PMCH: variants seen among roughly 807,000 people sequenced by gnomAD.
The protein encoded by PMCH is pro-melanin concentrating hormone.
In PMCH, 8 loss-of-function variants were observed where a neutral mutation model predicts 15.9. The observed-to-expected ratio is 0.50, with a 90% CI of 0.29 to 0.91. The LOEUF (loss-of-function observed/expected upper bound fraction) is 0.91. Among genes scored for constraint, PMCH ranks in the 40% least tolerant of loss-of-function variants. The pLI, the probability that PMCH is intolerant of heterozygous loss-of-function variation, is 0.07. For missense variants in PMCH, 169 were observed against 185.7 expected, an observed-to-expected ratio of 0.91 and a Z score of 0.52; for synonymous variants, 73 against 63.8, an observed-to-expected ratio of 1.14 and a Z score of -0.69.
rs776448198 is a variant in PMCH, at chr12:102,197,649, G to T, written c.122C>A (p.Thr41Lys). ...CTGAAAGCCTTTCCCCAACCTGAATGTATTAAATACCATGTCATCATCTAA... is the reference window on the plus strand; with the variant it reads ...CTGAAAGCCTTTCCCCAACCTGAATTTATTAAATACCATGTCATCATCTAA... ...RNLDDDMVFN[T>K]FRLGKGFQKE... The change falls in exon 1 of 3, where the codon ACA becomes AAA. Residue 41 changes from threonine (T) to lysine (K), a missense_variant. Coordinates refer to ENST00000329406, the MANE Select transcript of PMCH (RefSeq NM_002674.4). 2.5e-6 allele frequency: 4 copies of T among 1,612,046 alleles called. No homozygotes were observed. The highest frequency in any genetic ancestry group is 3.3e-4 in the Middle Eastern group (2 of 6,056).
rs1891378201 is a variant in PMCH at position 102,197,099 on chromosome 12, G to T, written c.322C>A (p.Leu108Ile). 6.2e-7 allele frequency: 1 copy of T among 1,611,948 alleles called. No homozygotes were observed. The highest frequency in any genetic ancestry group is 8.5e-7 in the Non-Finnish European group (1 of 1,178,584). ...GCTGGGAAAGCTACAGATCCTTTTAGTGCAAGATAAGGTTTTATAGCCAGA... is the reference window on the plus strand; with the variant it reads ...GCTGGGAAAGCTACAGATCCTTTTATTGCAAGATAAGGTTTTATAGCCAGA... ...LNLAIKPYLA[L>I]KGSVAFPAEN... The change falls in exon 2 of 3, where the codon CTA becomes ATA. Residue 108 changes from leucine to isoleucine, a missense_variant. Transcript: ENST00000329406.
chr12:102,197,222 C>T, intron 1 of PMCH, 51 bp from the exon 2 acceptor site: 2 of 1,333,082 alleles, frequency 1.5e-6, no homozygotes. Context: ...CGGAGTGGAA[C>T]TATAATACAA....
intron 1 of PMCH, 150 bp from the exon 2 acceptor site, chr12:102,197,321 A>C (rs1022588215): frequency 1.3e-5 from 11 of 837,550 alleles, no homozygotes; most frequent in Non-Finnish European, 2.0e-5. Context: ...TTATAGGAGA[A>C]AAAACACTTT....
At chr12:102,196,733 AG>A in intron 2 of PMCH, 32 bp from the exon 3 acceptor site, 3 of 1,535,820 alleles carry the variant, frequency 2.0e-6, no homozygotes, top group Non-Finnish European at 2.7e-6. Flanking sequence ...AATTGTTTAA[AG>A]GACTATAATT....
At chr12:102,197,231 A>AATTGTATTATAGTTCCACTCCGAATACG in intron 1 of PMCH, 60 bp from the exon 2 acceptor site, 1 of 1,271,272 alleles carries the variant, frequency 7.9e-7, no homozygotes, top group Non-Finnish European at 1.1e-6. Flanking sequence ...ACTATAATAC[A>AATTGTATTATAGTTCCACTCCGAATACG]ATTGTATAAT....
chr12:102,197,319 G>GA (rs1205295289), intron 1 of PMCH, 148 bp from the exon 2 acceptor site: 1 of 835,230 alleles, frequency 1.2e-6, no homozygotes, highest in Non-Finnish European at 1.8e-6. Context: ...ATTTATAGGA[G>GA]AAAAAACACT....
chr12:102,197,342 G>A (rs1302534254), intron 1 of PMCH, 171 bp from the exon 2 acceptor site: 10 of 800,440 alleles, frequency 1.2e-5, no homozygotes, highest in East Asian at 2.6e-5. Context: ...CAGATAAGAG[G>A]TGTTTGCTGG....
chr12:102,197,753 G>C lies in PMCH; in HGVS notation c.18C>G (p.Leu6=), dbSNP rs758924271. Residue 6 remains leucine, a synonymous_variant, in exon 1 of 3, where the codon CTC becomes CTG. Transcript: ENST00000329406. MAKMN[L]SSYILILTFS... is the part of the protein sequence containing the mutation. ...AAGTTAGTATTAATATATAGGAAGA[G>C]AGATTCATTTTTGCCATTCTTAGTT... 2 of 1,583,900 alleles carry C rather than the reference G, an allele frequency of 1.3e-6. No homozygotes were observed. The highest frequency in any genetic ancestry group is 1.7e-6 in the Non-Finnish European group (2 of 1,164,344).
chr12:102,197,450 T>C lies in PMCH; in HGVS notation c.249+72A>G, dbSNP rs1256359475. The C allele has an allele frequency of 1.5e-5, 21 of 1,361,208 alleles. 1 individual carries two copies. Among genetic ancestry groups the C allele is most frequent in the Middle Eastern group, 2.6e-4 (1 of 3,916 alleles). The allele number at this position is 1,361,208 out of a possible 1,614,324, so 84.3% of individuals were successfully genotyped here. A position where few individuals can be genotyped will look rare whatever the true frequency, so the allele number is the denominator to read the frequency against. On this transcript the variant is annotated intron_variant, in intron 1 of 2. Coordinates refer to ENST00000329406, the MANE Select transcript of PMCH (RefSeq NM_002674.4). ...CTTCTGTTTATAAAAGTATCAGTTT[T>C]ACTTTTCAGAGGATTTGTAAGAATC...
At position 102,196,642 on chromosome 12, in the gene PMCH, C is replaced by G; in HGVS notation, c.*10G>C. 6.3e-7 allele frequency: 1 copy of G among 1,599,094 alleles called. No individual in the cohort carries two copies. On this transcript the variant is annotated 3_prime_UTR_variant, in exon 3 of 3. Coordinates refer to ENST00000329406, the MANE Select transcript of PMCH (RefSeq NM_002674.4). ...TTTTCTTCTGAAAAGATGATGTGGA[C>G]CAACAGGTATCAGACTTGCCAACAA...
In PMCH at chr12:102,197,640, A is replaced by G; in HGVS notation, c.131T>C (p.Leu44Ser). 1.9e-6 allele frequency: 3 copies of G among 1,612,304 alleles called. No individual in the cohort carries two copies. The highest frequency in any genetic ancestry group is 2.2e-5 in the South Asian group (2 of 91,008). ...DDDMVFNTFR[L>S]GKGFQKEDTA... is the part of the protein sequence containing the mutation. ...GTCTTCCTTCTGAAAGCCTTTCCCC[A>G]ACCTGAATGTATTAAATACCATGTC... The change falls in exon 1 of 3, where the codon TTG becomes TCG. Residue 44 changes from leucine to serine, a missense_variant. Transcript: ENST00000329406.
chr12:102,196,859 A>G (rs980009165), intron 2 of PMCH, 114 bp downstream of exon 2: 5 of 1,090,752 alleles, frequency 4.6e-6, no homozygotes, highest in Non-Finnish European at 6.8e-6. Flanking sequence ...GGCAGGTGTA[A>G]TTGAGCCATG....
At chr12:102,197,239 A>G (rs957462748) in intron 1 of PMCH, 68 bp from the exon 2 acceptor site, 1 of 1,213,800 alleles carries the variant, frequency 8.2e-7, no homozygotes, top group Non-Finnish European at 1.2e-6. Context: ...ACAATTGTAT[A>G]ATATTCTTGT....
Position 102,197,022 on chromosome 12 carries a change from C to T in PMCH, c.399G>A (p.Gly133=). ...GAAATTTAGCTGAGTTTTCTTCATC[C>T]CCAATTTCTCTCTTTTCTTGTGTTG... ...TESTQEKREI[G]DEENSAKFPI... is the part of the protein sequence containing the mutation. Residue 133 remains glycine (G), a synonymous_variant, in exon 2 of 3, where the codon GGG becomes GGA. Coordinates refer to ENST00000329406, the MANE Select transcript of PMCH (RefSeq NM_002674.4). 1.2e-6 allele frequency: 2 copies of T among 1,611,914 alleles called. No individual in the cohort carries two copies. Among genetic ancestry groups the T allele is most frequent in the African/African-American group, 1.3e-5 (1 of 74,898 alleles).
Position 102,196,667 on chromosome 12 carries a change from A to T in PMCH, c.483T>A (p.Pro161=), listed in dbSNP as rs578029835. 6.2e-7 allele frequency: 1 copy of T among 1,610,428 alleles called. No homozygotes were observed. Among genetic ancestry groups the T allele is most frequent in the East Asian group, 2.2e-5 (1 of 44,810 alleles). ...CCAACAGGTATCAGACTTGCCAACA[A>T]GGTCGGTAGACTCTTCCCAGCATAC... The part of the protein sequence containing the change: ...LRCMLGRVYR[P]CWQV The change falls in exon 3 of 3, where the codon CCT becomes CCA. Residue 161 remains proline, a synonymous_variant. Transcript: ENST00000329406.
Position 102,196,695 on chromosome 12 carries a change from C to A in PMCH, c.455G>T (p.Arg152Ile), listed in dbSNP as rs781675279. The A allele has an allele frequency of 6.2e-7, 1 of 1,607,560 alleles. No homozygotes were observed. Among genetic ancestry groups the A allele is most frequent in the Non-Finnish European group, 8.5e-7 (1 of 1,174,908 alleles). The change falls in exon 3 of 3, where the codon AGA (arginine) becomes ATA (isoleucine). Residue 152 changes from arginine (R) to isoleucine (I), a missense_variant. Transcript: ENST00000329406. ...TCGGTAGACTCTTCCCAGCATACAT[C>A]TGAGCACTGAAGGAAGAAGAAAGTT... The part of the protein sequence containing the change: ...PIGRRDFDML[R>I]CMLGRVYRPC...
intron 2 of PMCH, 44 bp downstream of exon 2, chr12:102,196,929 A>T: frequency 6.8e-7 from 1 of 1,477,382 alleles, no homozygotes; most frequent in Non-Finnish European, 9.4e-7. Context: ...GTTCTGTTTA[A>T]TGGTGGTAGG....
chr12:102,197,053 G>A lies in PMCH; in HGVS notation c.368C>T (p.Thr123Ile), dbSNP rs767355648. Reference sequence around the variant, plus strand: ...TTCTCTCTTTTCTTGTGTTGATTCAGTATTCTGAACTCCATTCTCAGCTGG... The same window carrying A: ...TTCTCTCTTTTCTTGTGTTGATTCAATATTCTGAACTCCATTCTCAGCTGG... ...AFPAENGVQN[T>I]ESTQEKREIG... The change falls in exon 2 of 3, where the codon ACT becomes ATT. Residue 123 changes from threonine (T) to isoleucine (I), a missense_variant. Physicochemically the swap from Thr to Ile is moderately conservative, Grantham distance 89 (BLOSUM62 -1). Coordinates refer to ENST00000329406, the MANE Select transcript of PMCH (RefSeq NM_002674.4). 6.2e-7 allele frequency: 1 copy of A among 1,611,930 alleles called. No homozygotes were observed. Among genetic ancestry groups the A allele is most frequent in the Non-Finnish European group, 8.5e-7 (1 of 1,178,526 alleles).
Position 102,197,102 on chromosome 12 carries a change from C to A in PMCH, c.319G>T (p.Ala107Ser). ...PLNLAIKPYLALKGSVAFPAE... is the reference protein window; with the variant it reads ...PLNLAIKPYLSLKGSVAFPAE... ...GGGAAAGCTACAGATCCTTTTAGTG[C>A]AAGATAAGGTTTTATAGCCAGATTC... is the stretch of plus-strand genomic sequence containing the variant. The change falls in exon 2 of 3, where the codon GCA (alanine) becomes TCA (serine). Residue 107 changes from alanine to serine, a missense_variant. Coordinates refer to ENST00000329406, the MANE Select transcript of PMCH (RefSeq NM_002674.4). The A allele has an allele frequency of 6.2e-7, 1 of 1,612,078 alleles. No homozygotes were observed. Among genetic ancestry groups the A allele is most frequent in the Non-Finnish European group, 8.5e-7 (1 of 1,178,580 alleles).
Sources: allele counts gnomAD v4.1 joint callset, GRCh38; gene constraint gnomAD v4.1.1; transcripts MANE v1.5; gene names NCBI Gene and HGNC (gene_info 2026-07-23, HGNC 2026-07-21).